Variants in CFAP299 observed in about 807,000 individuals in gnomAD.
The protein encoded by CFAP299 is cilia- and flagella-associated protein 299.
Under a neutral mutation model 27.0 loss-of-function variants are expected in CFAP299, and 21 were observed. The ratio of observed to expected loss-of-function variants is 0.78; its 90% CI spans 0.55 to 1.12. CFAP299 has a LOEUF of 1.12. CFAP299 is among the 50% of genes most tolerant of loss of function. The pLI, the probability that CFAP299 is intolerant of heterozygous loss-of-function variation, is 0.00. For synonymous variants in CFAP299, 104 were observed against 98.1 expected, an observed-to-expected ratio of 1.06 and a Z score of -0.36; for missense variants, 310 against 276.6, an observed-to-expected ratio of 1.12 and a Z score of -0.86.
intron 3 of CFAP299, among the ~76,000 whole-genome samples, chr4:80,783,944 G>T: frequency 1.4e-5 from 2 of 146,824 alleles, no homozygotes; most frequent in East Asian, 2.0e-4. Context: ...CTCTATCTCT[G>T]TATATTCAAC....
At chr4:80,820,694 G>A (rs1578155166) in intron 3 of CFAP299, among the ~76,000 whole-genome samples, 1 of 152,086 alleles carries the variant, frequency 6.6e-6, no homozygotes. Flanking sequence ...CAGTGTGGTG[G>A]GTGGGCAGAC....
rs1249310135 is a variant in CFAP299, at chr4:80,423,767, TG to T, written c.242+60884del. On this transcript the variant is annotated intron_variant, in intron 2 of 5. Coordinates refer to ENST00000358105, the MANE Select transcript of CFAP299 (RefSeq NM_152770.3). ...TTGGGCTGCCAGAATGGTGCTGAAA[TG>T]TTCATTATGGGTGACTCACCCACTG... Among the ~76,000 whole-genome samples the T allele has an allele frequency of 2.0e-5, 3 of 152,244 alleles. No homozygotes were observed. The South Asian group carries it at 6.2e-4, about 32-fold the overall frequency.
chr4:80,791,357 T>C (rs1727558107), intron 3 of CFAP299, among the ~76,000 whole-genome samples: 1 of 152,080 alleles, frequency 6.6e-6, no homozygotes, highest in Non-Finnish European at 1.5e-5. Flanking sequence ...CCTCCTTGAC[T>C]CTCAATCAAG....
intron 1 of CFAP299, among the ~76,000 whole-genome samples, chr4:80,343,162 C>A (rs1722539230): frequency 6.6e-6 from 1 of 152,066 alleles, no homozygotes; most frequent in East Asian, 1.9e-4. Context: ...ACAGGAGCAC[C>A]CAGATTCATA....
At chr4:80,853,156 A>G (rs892763718) in intron 3 of CFAP299, among the ~76,000 whole-genome samples, 3 of 152,026 alleles carry the variant, frequency 2.0e-5, no homozygotes, top group Non-Finnish European at 4.4e-5. Flanking sequence ...TCAGCCTCCC[A>G]AGTAACTGGG....
chr4:80,343,780 G>A (rs183075888), intron 1 of CFAP299, among the ~76,000 whole-genome samples: 2 of 115,946 alleles, frequency 1.7e-5, no homozygotes, highest in East Asian at 2.7e-4. Flanking sequence ...CGGCCTGGGC[G>A]ACAGAGCGAG....
At chr4:80,755,909 A>G (rs1327525673) in intron 3 of CFAP299, among the ~76,000 whole-genome samples, 3 of 152,102 alleles carry the variant, frequency 2.0e-5, no homozygotes, top group Non-Finnish European at 4.4e-5. Context: ...CATAAGAAAT[A>G]TTTGAGAGCT....
At chr4:80,703,388 G>C (rs2110029479) in intron 3 of CFAP299, among the ~76,000 whole-genome samples, 1 of 151,638 alleles carries the variant, frequency 6.6e-6, no homozygotes, top group Admixed American at 6.6e-5. Flanking sequence ...TAGTTCTTTT[G>C]TGCAGAATAC....
At chr4:80,501,325 T>G (rs1016019965) in intron 2 of CFAP299, among the ~76,000 whole-genome samples, 5 of 151,158 alleles carry the variant, frequency 3.3e-5, no homozygotes, top group African/African-American at 1.2e-4. Flanking sequence ...CAGTAGTTGT[T>G]TACTTCTGTA....
intron 3 of CFAP299, among the ~76,000 whole-genome samples, chr4:80,613,147 A>T (rs935776981): frequency 6.6e-6 from 1 of 152,160 alleles, no homozygotes; most frequent in Non-Finnish European, 1.5e-5. Context: ...GATTTGAGAT[A>T]TTAACTCAAG....
At chr4:80,656,340 A>G (rs982115370) in intron 3 of CFAP299, among the ~76,000 whole-genome samples, 7 of 152,008 alleles carry the variant, frequency 4.6e-5, no homozygotes, top group East Asian at 1.9e-4. Context: ...CCCATCATCT[A>G]CACTAGGTAT....
chr4:80,868,155 C>T (rs1447719695), intron 3 of CFAP299, among the ~76,000 whole-genome samples: 1 of 152,062 alleles, frequency 6.6e-6, no homozygotes, highest in Non-Finnish European at 1.5e-5. Flanking sequence ...ACATATTATT[C>T]TTTTTATTTA....
chr4:80,509,814 T>G (rs1732207194), intron 2 of CFAP299, among the ~76,000 whole-genome samples: 1 of 152,018 alleles, frequency 6.6e-6, no homozygotes, highest in African/African-American at 2.4e-5. Context: ...ACACCATGAG[T>G]TTATCACAAA....
At chr4:80,548,855 T>C (rs985131221) in intron 2 of CFAP299, among the ~76,000 whole-genome samples, 1 of 152,178 alleles carries the variant, frequency 6.6e-6, no homozygotes, top group African/African-American at 2.4e-5. Flanking sequence ...TGCAGCCTGA[T>C]TTAGAATGTT....
At chr4:80,632,713 C>CT (rs71664813) in intron 3 of CFAP299, among the ~76,000 whole-genome samples, 7,812 of 143,856 alleles carry the variant, frequency 0.054, 550 homozygotes, top group African/African-American at 0.16. Flanking sequence ...TATTTTCAAG[C>CT]TTTTTTTTTT....
At chr4:80,570,202 G>T (rs1257462694) in intron 2 of CFAP299, among the ~76,000 whole-genome samples, 1 of 151,922 alleles carries the variant, frequency 6.6e-6, no homozygotes, top group Admixed American at 6.6e-5. Flanking sequence ...CATTGCATAG[G>T]CAATATAGTG....
At chr4:80,714,062 T>C (rs1413353817) in intron 3 of CFAP299, among the ~76,000 whole-genome samples, 1 of 152,188 alleles carries the variant, frequency 6.6e-6, no homozygotes, top group Non-Finnish European at 1.5e-5. Context: ...TCTTCACCTT[T>C]ATTCCTTGTT....
At chr4:80,799,820 T>TATCATATAATATAA (rs1728249286) in intron 3 of CFAP299, among the ~76,000 whole-genome samples, 1 of 36,514 alleles carries the variant, frequency 2.7e-5, no homozygotes, top group African/African-American at 1.3e-4. Flanking sequence ...AATATATATA[T>TATCATATAATATAA]TATATATATT....
intron 2 of CFAP299, among the ~76,000 whole-genome samples, chr4:80,380,446 T>TA (rs1553918259): frequency 6.7e-6 from 1 of 148,366 alleles, no homozygotes; most frequent in Non-Finnish European, 1.5e-5. Flanking sequence ...TTTTTTTTTT[T>TA]AGATAGAATC....
Sources: gnomAD v4.1 joint callset for allele counts (sites outside exome capture counted in the v4.1 genomes callset) on GRCh38, gnomAD v4.1.1 for gene constraint, MANE v1.5 for transcripts, NCBI Gene and HGNC (gene_info 2026-07-23, HGNC 2026-07-21) for gene names.